Variants in HECA observed in about 807,000 individuals in gnomAD.
HECA encodes the protein headcase protein homolog.
Under a neutral mutation model 37.6 loss-of-function variants are expected in HECA, and 13 were observed. That is an observed-to-expected ratio of 0.35 (90% confidence interval 0.23 to 0.55). HECA has a LOEUF of 0.55. HECA is among the 20% of genes least tolerant of loss of function. The pLI is 0.90. For synonymous variants in HECA, 307 were observed against 291.5 expected (o/e 1.05, Z -0.54); for missense variants, 527 against 701.9 (o/e 0.75, Z 2.82).
At chr6:139,151,027 C>T (rs1774643798) in intron 1 of HECA, 1 of 152,114 alleles carries the variant, frequency 6.6e-6, no homozygotes, top group Non-Finnish European at 1.5e-5. Flanking sequence ...AAGACTTAGA[C>T]ATGCCCTCTT....
intron 1 of HECA, among the ~76,000 whole-genome samples, chr6:139,162,433 A>G (rs1029059145): frequency 3.9e-5 from 6 of 152,218 alleles, no homozygotes; most frequent in African/African-American, 1.4e-4. Context: ...GGAAACTGAC[A>G]CAAAGAGAAG....
intron 1 of HECA, among the ~76,000 whole-genome samples, chr6:139,153,663 C>T (rs1774679357): frequency 6.6e-6 from 1 of 152,138 alleles, no homozygotes; most frequent in African/African-American, 2.4e-5. Context: ...AGGTGATCCT[C>T]CCGCCTCAGC....
chr6:139,174,287 C>A (rs1401635662), intron 2 of HECA, 98 bp from the exon 3 acceptor site: 9 of 1,349,324 alleles, frequency 6.7e-6, no homozygotes, highest in African/African-American at 1.5e-5. Context: ...ATGATAAAAT[C>A]TTTGCTTATA....
intron 1 of HECA, among the ~76,000 whole-genome samples, chr6:139,162,840 T>C (rs1774825414): frequency 1.3e-5 from 2 of 152,200 alleles, no homozygotes; most frequent in African/African-American, 4.8e-5. Flanking sequence ...TTCCCTCTCA[T>C]ATGTCTTTAA....
chr6:139,166,859 G>T lies in HECA; in HGVS notation c.847G>T (p.Ala283Ser). ...PPTGYSILSP[A>S]HFSGPRSSRY... ...CACGGGCTACTCCATCCTCTCTCCT[G>T]CCCACTTCAGCGGCCCCCGCTCCTC... Residue 283 changes from alanine to serine, a missense_variant, in exon 2 of 4, where the codon GCC (alanine) becomes TCC (serine). Physicochemically the swap from Ala to Ser is moderately conservative, Grantham distance 99 (BLOSUM62 1). Transcript: ENST00000367658. The T allele has an allele frequency of 1.2e-6, 2 of 1,613,912 alleles. No homozygotes were observed. The highest frequency in any genetic ancestry group is 1.3e-5 in the African/African-American group (1 of 75,048).
chr6:139,148,013 C>T (rs758161990), intron 1 of HECA, among the ~76,000 whole-genome samples: 1 of 152,170 alleles, frequency 6.6e-6, no homozygotes, highest in Admixed American at 6.5e-5. Context: ...TGAAAAATCA[C>T]ATCTCATTGT....
chr6:139,165,586 T>G (rs2079243437), intron 1 of HECA, among the ~76,000 whole-genome samples: 1 of 146,556 alleles, frequency 6.8e-6, no homozygotes, highest in Admixed American at 6.8e-5. Flanking sequence ...GGCAACCACT[T>G]TTTTTTTTTT....
At position 139,166,779 on chromosome 6, in the gene HECA, G is replaced by A; in HGVS notation, c.767G>A (p.Gly256Asp). Residue 256 changes from glycine to aspartate, a missense_variant, in exon 2 of 4, where the codon GGT becomes GAT. Physicochemically the swap from Gly to Asp is moderately conservative, Grantham distance 94. Coordinates refer to ENST00000367658, the MANE Select transcript of HECA (RefSeq NM_016217.3). ...CAGAACTCCCAGGAGAAGGCAGTGG[G>A]TGCCGCAGCCTACGGTGCCCGTTCC... The part of the protein sequence containing the change: ...DRQNSQEKAV[G>D]AAAYGARSPG... 6.2e-7 allele frequency: 1 copy of A among 1,613,766 alleles called. No homozygotes were observed.
chr6:139,145,088 A>G (rs1774566742), intron 1 of HECA, among the ~76,000 whole-genome samples: 2 of 152,180 alleles, frequency 1.3e-5, no homozygotes, highest in African/African-American at 4.8e-5. Flanking sequence ...TTGGTTTGTC[A>G]TTTTATTTTT....
intron 3 of HECA, among the ~76,000 whole-genome samples, chr6:139,175,196 G>A (rs889953332): frequency 1.3e-5 from 2 of 152,164 alleles, no homozygotes; most frequent in African/African-American, 4.8e-5. Context: ...TAGAATCACA[G>A]GAGACAAAAT....
chr6:139,138,052 A>G (rs1003486712), intron 1 of HECA, among the ~76,000 whole-genome samples: 1 of 152,218 alleles, frequency 6.6e-6, no homozygotes, highest in Non-Finnish European at 1.5e-5. Flanking sequence ...ACCCCCCCTC[A>G]GTTCTGCAGT....
chr6:139,135,889 G>A (rs1463250850), intron 1 of HECA, among the ~76,000 whole-genome samples: 1 of 151,750 alleles, frequency 6.6e-6, no homozygotes, highest in Non-Finnish European at 1.5e-5. Flanking sequence ...GGCAGCCCGC[G>A]CCCCACACTC....
At chr6:139,136,110 A>G (rs1445084699) in intron 1 of HECA, among the ~76,000 whole-genome samples, 1 of 151,946 alleles carries the variant, frequency 6.6e-6, no homozygotes, top group Non-Finnish European at 1.5e-5. Context: ...TGAAGGAGAG[A>G]GAGCCTCAAT....
chr6:139,171,982 A>G (rs1774980099), intron 2 of HECA, among the ~76,000 whole-genome samples: 1 of 151,828 alleles, frequency 6.6e-6, no homozygotes, highest in Non-Finnish European at 1.5e-5. Context: ...AGGCGCCGCC[A>G]CCACGCCTAG....
At chr6:139,138,737 T>G (rs1297186662) in intron 1 of HECA, among the ~76,000 whole-genome samples, 2 of 152,242 alleles carry the variant, frequency 1.3e-5, no homozygotes, top group Non-Finnish European at 1.5e-5. Flanking sequence ...TGAGTAAGTT[T>G]AATATTAATT....
intron 1 of HECA, among the ~76,000 whole-genome samples, chr6:139,135,982 C>T (rs1774430299): frequency 6.6e-6 from 1 of 151,760 alleles, no homozygotes; most frequent in Non-Finnish European, 1.5e-5. Context: ...GTGTGCCGGG[C>T]CGAAGGGAGG....
chr6:139,168,357 TATAGTA>T (rs1774922744), intron 2 of HECA, among the ~76,000 whole-genome samples: 2 of 152,060 alleles, frequency 1.3e-5, no homozygotes, highest in Non-Finnish European at 2.9e-5. Context: ...TATCTTATTA[TATAGTA>T]CCATATAGTC....
In HECA at chr6:139,166,819, G is replaced by T. The variant is rs893941207; in HGVS notation, c.807G>T (p.Pro269=). ...GTGCCCGTTCCCCCGGTGGCTCCCC[G>T]GGCCAGTCCCCACCCACGGGCTACT... The part of the protein sequence containing the change: ...AYGARSPGGS[P]GQSPPTGYSI... The change falls in exon 2 of 4, where the codon CCG becomes CCT. Residue 269 remains proline, a synonymous_variant. Transcript: ENST00000367658. 1.9e-6 allele frequency: 3 copies of T among 1,613,636 alleles called. No individual in the cohort carries two copies. The highest frequency in any genetic ancestry group is 2.5e-6 in the Non-Finnish European group (3 of 1,179,936).
intron 1 of HECA, among the ~76,000 whole-genome samples, chr6:139,165,477 A>G (rs936611421): frequency 1.6e-4 from 25 of 152,114 alleles, no homozygotes; most frequent in African/African-American, 6.0e-4. Context: ...GATTTTGACA[A>G]ATGTATAATG....
Sources: gnomAD v4.1 joint callset for allele counts (sites outside exome capture counted in the v4.1 genomes callset) on GRCh38, gnomAD v4.1.1 for gene constraint, MANE v1.5 for transcripts, NCBI Gene and HGNC (gene_info 2026-07-23, HGNC 2026-07-21) for gene names.